GADD45GIP1: variants seen among roughly 807,000 people sequenced by gnomAD.
GADD45GIP1 encodes large ribosomal subunit protein mL64.
Under a neutral mutation model 22.1 loss-of-function variants are expected in GADD45GIP1, and 17 were observed. The ratio of observed to expected loss-of-function variants is 0.77; its 90% CI spans 0.53 to 1.15. GADD45GIP1 has a LOEUF of 1.15. Ranked by LOEUF, GADD45GIP1 falls within the 50% of genes most tolerant of loss-of-function variation. The pLI is 0.00. For synonymous variants in GADD45GIP1, 135 were observed against 138.4 expected (o/e 0.98, Z 0.17); for missense variants, 294 against 314.0 (o/e 0.94, Z 0.48).
rs1971937348 is a variant in GADD45GIP1, at chr19:12,957,220, G to C, written c.-8C>G. On this transcript the variant is annotated 5_prime_UTR_variant, in exon 1 of 2. Coordinates refer to ENST00000316939, the MANE Select transcript of GADD45GIP1 (RefSeq NM_052850.4). ...TCGCACGGACGCCGCCATCTTGGCT[G>C]TGCGGGGTCCTCACAGGCCCGCCGG... 7.2e-7 allele frequency: 1 copy of C among 1,386,016 alleles called. No homozygotes were observed. Among genetic ancestry groups the C allele is most frequent in the South Asian group, 1.6e-5 (1 of 60,914 alleles). 85.9% of individuals were successfully genotyped at this position (1,386,016 alleles called of 1,614,324 possible).
At position 12,953,874 on chromosome 19, in the gene GADD45GIP1, A is replaced by C; in HGVS notation, c.*334T>G. 8.5e-6 allele frequency: 2 copies of C among 234,048 alleles called. No homozygotes were observed. Among genetic ancestry groups the C allele is most frequent in the Non-Finnish European group, 1.7e-5 (2 of 118,940 alleles). 14.5% of individuals were successfully genotyped at this position (234,048 alleles called of 1,614,324 possible). A position where few individuals can be genotyped will look rare whatever the true frequency, so the allele number is the denominator to read the frequency against. Reference sequence around the variant, plus strand: ...CTCCCCGGCCCCCACCATCATCACCACAGTCTGTTTTGGCTATACTTCCCC... The same window carrying C: ...CTCCCCGGCCCCCACCATCATCACCCCAGTCTGTTTTGGCTATACTTCCCC... On this transcript the variant is annotated 3_prime_UTR_variant, in exon 2 of 2. Coordinates refer to ENST00000316939, the MANE Select transcript of GADD45GIP1 (RefSeq NM_052850.4).
At chr19:12,956,299 G>T (rs963737457) in intron 1 of GADD45GIP1, among the ~76,000 whole-genome samples, 2 of 152,206 alleles carry the variant, frequency 1.3e-5, no homozygotes, top group Non-Finnish European at 1.5e-5. Context: ...GGGATTACAG[G>T]CACGAGCCAC....
At position 12,954,106 on chromosome 19, in the gene GADD45GIP1, TGGG is replaced by T; in HGVS notation, c.*99_*101del. On this transcript the variant is annotated 3_prime_UTR_variant, in exon 2 of 2. Transcript: ENST00000316939. The stretch of plus-strand genomic sequence containing the variant: ...GGGGGATTCCCCAGCTCTTAAGTAT[TGGG>T]GGAGGAACCAGGGGACCCAGAGAGG... The T allele has an allele frequency of 2.0e-6, 2 of 998,830 alleles. No homozygotes were observed. The highest frequency in any genetic ancestry group is 3.0e-6 in the Non-Finnish European group (2 of 659,748). The allele number at this position is 998,830 out of a possible 1,614,324, so 61.9% of individuals were successfully genotyped here. A position where few individuals can be genotyped will look rare whatever the true frequency, so the allele number is the denominator to read the frequency against.
At chr19:12,956,615 C>T (rs1293266362) in intron 1 of GADD45GIP1, among the ~76,000 whole-genome samples, 6 of 152,146 alleles carry the variant, frequency 3.9e-5, no homozygotes, top group Non-Finnish European at 8.8e-5. Flanking sequence ...GATCTTGCGA[C>T]TGCACTCCAG....
rs149233851 is a variant in GADD45GIP1, at chr19:12,954,497, T to C, written c.380A>G (p.Lys127Arg). Residue 127 changes from lysine to arginine, a missense_variant, in exon 2 of 2, where the codon AAG becomes AGG. By Grantham distance (26) the Lys-to-Arg change is conservative. Transcript: ENST00000316939. ...CCAGTTCACAATCATCTGTGGCATC[T>C]TGGCCATGCACTCTGCGATGTGCTG... ...REQHIAECMA[K>R]MPQMIVNWQQ... 4,298 of 1,614,026 alleles carry C rather than the reference T, an allele frequency of 2.7e-3. 9 individuals carry two copies. The highest frequency in any genetic ancestry group is 3.2e-3 in the Non-Finnish European group (3,765 of 1,179,954).
In GADD45GIP1 at chr19:12,954,431, T is replaced by G; in HGVS notation, c.446A>C (p.Asp149Ala). ...QRENWEKAQA[D>A]KERRARLQAE... ...CTGCAGTCGGGCCCTCCTCTCCTTG[T>G]CAGCCTGGGCCTTCTCCCAGTTCTC... Residue 149 changes from aspartate (D) to alanine (A), a missense_variant, in exon 2 of 2, where the codon GAC becomes GCC. Asp to Ala is a moderately radical substitution (Grantham distance 126). Transcript: ENST00000316939. 6.2e-7 allele frequency: 1 copy of G among 1,614,200 alleles called. No individual in the cohort carries two copies. The highest frequency in any genetic ancestry group is 8.5e-7 in the Non-Finnish European group (1 of 1,180,020).
chr19:12,957,120 C>G lies in GADD45GIP1; in HGVS notation c.93G>C (p.Pro31=). The G allele has an allele frequency of 2.1e-6, 3 of 1,417,922 alleles. No homozygotes were observed. The highest frequency in any genetic ancestry group is 2.7e-6 in the Non-Finnish European group (3 of 1,099,152). 87.8% of individuals were successfully genotyped at this position (1,417,922 alleles called of 1,614,324 possible). A position where few individuals can be genotyped will look rare whatever the true frequency, so the allele number is the denominator to read the frequency against. ...GSRGYRARPP[P]RRRPGPRWPD... ...GCCACCGGGGTCCCGGCCTGCGGCG[C>G]GGGGGCGGCCGCGCCCGGTAGCCAC... is the stretch of plus-strand genomic sequence containing the variant. The change falls in exon 1 of 2, where the codon CCG becomes CCC. Residue 31 remains proline, a synonymous_variant. Transcript: ENST00000316939.
chr19:12,953,396 A>AG lies in GADD45GIP1; in HGVS notation c.*811dup, dbSNP rs1971868902. On this transcript the variant is annotated 3_prime_UTR_variant, in exon 2 of 2. Transcript: ENST00000316939. ...CTCTCCATCCTCCGAAAAACCCCTGAGGACCCCCCCCCATCCTCTTCTAGG... is the reference window on the plus strand; with the variant it reads ...CTCTCCATCCTCCGAAAAACCCCTGAGGGACCCCCCCCCATCCTCTTCTAGG... 1 of 170,158 alleles carries AG rather than the reference A, an allele frequency of 5.9e-6. No individual in the cohort carries two copies. The highest frequency in any genetic ancestry group is 2.4e-5 in the African/African-American group (1 of 41,906). The allele number at this position is 170,158 out of a possible 1,614,324, so 10.5% of individuals were successfully genotyped here. A position where few individuals can be genotyped will look rare whatever the true frequency, so the allele number is the denominator to read the frequency against.
rs1454510303 is a variant in GADD45GIP1, at chr19:12,957,190, G to A, written c.23C>T (p.Ala8Val). The change falls in exon 1 of 2, where the codon GCA (alanine) becomes GTA (valine). Residue 8 changes from alanine (A) to valine (V), a missense_variant. Transcript: ENST00000316939. The part of the protein sequence containing the change: MAASVRQ[A>V]RSLLGVAATL... Reference sequence around the variant, plus strand: ...CGCCGCCACACCTAGTAGGCTGCGTGCCTGTCGCACGGACGCCGCCATCTT... The same window carrying A: ...CGCCGCCACACCTAGTAGGCTGCGTACCTGTCGCACGGACGCCGCCATCTT... 5 of 1,404,476 alleles carry A rather than the reference G, an allele frequency of 3.6e-6. No individual in the cohort carries two copies. The highest frequency in any genetic ancestry group is 3.2e-5 in the South Asian group (2 of 62,716). The allele number at this position is 1,404,476 out of a possible 1,614,324, so 87.0% of individuals were successfully genotyped here. A position where few individuals can be genotyped will look rare whatever the true frequency, so the allele number is the denominator to read the frequency against.
chr19:12,957,187 C>A lies in GADD45GIP1; in HGVS notation c.26G>T (p.Arg9Leu), dbSNP rs375539782. 7.1e-7 allele frequency: 1 copy of A among 1,404,532 alleles called. No individual in the cohort carries two copies. Among genetic ancestry groups the A allele is most frequent in the African/African-American group, 1.5e-5 (1 of 66,336 alleles). The allele number at this position is 1,404,532 out of a possible 1,614,324, so 87.0% of individuals were successfully genotyped here. Reference protein sequence around the residue: MAASVRQARSLLGVAATLA... With the variant: MAASVRQALSLLGVAATLA... ...GGTCGCCGCCACACCTAGTAGGCTG[C>A]GTGCCTGTCGCACGGACGCCGCCAT... is the stretch of plus-strand genomic sequence containing the variant. The change falls in exon 1 of 2, where the codon CGC becomes CTC. Residue 9 changes from arginine to leucine, a missense_variant. By Grantham distance (102) the Arg-to-Leu change is moderately radical (BLOSUM62 -2). Transcript: ENST00000316939.
chr19:12,955,986 T>A (rs1263342821), intron 1 of GADD45GIP1, among the ~76,000 whole-genome samples: 1 of 152,176 alleles, frequency 6.6e-6, no homozygotes, highest in Admixed American at 6.6e-5. Context: ...CACACTGGCT[T>A]CCTGGCTGTT....
chr19:12,954,596 A>C, intron 1 of GADD45GIP1, 70 bp from the exon 2 acceptor site: 11 of 1,341,446 alleles, frequency 8.2e-6, no homozygotes, highest in East Asian at 4.7e-5. Flanking sequence ...CCCATATCTC[A>C]CCCATAGGCC....
At chr19:12,956,759 C>G in intron 1 of GADD45GIP1, 104 bp downstream of exon 1, 1 of 933,458 alleles carries the variant, frequency 1.1e-6, no homozygotes, top group South Asian at 1.4e-5. Context: ...AAATCTACAA[C>G]ATGCAGATGC....
In GADD45GIP1 at chr19:12,956,919, G is replaced by C; in HGVS notation, c.294C>G (p.Thr98=). 1 of 1,599,802 alleles carries C rather than the reference G, an allele frequency of 6.3e-7. No homozygotes were observed. The highest frequency in any genetic ancestry group is 8.5e-7 in the Non-Finnish European group (1 of 1,179,776). The change falls in exon 1 of 2, where the codon ACC becomes ACG. Residue 98 remains threonine, a synonymous_variant. Transcript: ENST00000316939. ...GCTTCACCCGCAGCGACTCCTGCAT[G>C]GTCGCCAGGCTCGGGTACCATTCGC... ...EEREWYPSLA[T]MQESLRVKQL...
chr19:12,957,125 G>T lies in GADD45GIP1; in HGVS notation c.88C>A (p.Pro30Thr). Residue 30 changes from proline to threonine, a missense_variant, in exon 1 of 2, where the codon CCC (proline) becomes ACC (threonine). Transcript: ENST00000316939. ...CGGGGTCCCGGCCTGCGGCGCGGGGGCGGCCGCGCCCGGTAGCCACGGGAA... is the reference window on the plus strand; with the variant it reads ...CGGGGTCCCGGCCTGCGGCGCGGGGTCGGCCGCGCCCGGTAGCCACGGGAA... ...PGSRGYRARP[P>T]PRRRPGPRWP... 7.1e-7 allele frequency: 1 copy of T among 1,417,480 alleles called. No individual in the cohort carries two copies. Among genetic ancestry groups the T allele is most frequent in the Non-Finnish European group, 9.1e-7 (1 of 1,098,870 alleles). 87.8% of individuals were successfully genotyped at this position (1,417,480 alleles called of 1,614,324 possible).
At chr19:12,954,634 C>A (rs939022590) in intron 1 of GADD45GIP1, 108 bp from the exon 2 acceptor site, 4 of 791,980 alleles carry the variant, frequency 5.1e-6, no homozygotes, top group Non-Finnish European at 7.9e-6. Context: ...CTCCTCAACT[C>A]CCCCAGTAGA....
rs1281287310 is a variant in GADD45GIP1, at chr19:12,953,837, C to T, written c.*371G>A. 5.1e-6 allele frequency: 1 copy of T among 197,026 alleles called. No individual in the cohort carries two copies. Among genetic ancestry groups the T allele is most frequent in the Non-Finnish European group, 1.0e-5 (1 of 96,334 alleles). The allele number at this position is 197,026 out of a possible 1,614,324, so 12.2% of individuals were successfully genotyped here. A position where few individuals can be genotyped will look rare whatever the true frequency, so the allele number is the denominator to read the frequency against. On this transcript the variant is annotated 3_prime_UTR_variant, in exon 2 of 2. Transcript: ENST00000316939. ...GGCAGTGGACCCCAGCCCAACGTTA[C>T]AAGGACTGCTTCTCCCCGGCCCCCA...
intron 1 of GADD45GIP1, among the ~76,000 whole-genome samples, chr19:12,955,287 A>G (rs1971909947): frequency 6.6e-6 from 1 of 152,060 alleles, no homozygotes; most frequent in Non-Finnish European, 1.5e-5. Flanking sequence ...GTTCTTTTTT[A>G]TGACAGCCTC....
chr19:12,953,132 A>T lies in GADD45GIP1; in HGVS notation c.*1076T>A, dbSNP rs2083610886. The T allele has an allele frequency of 1.2e-6, 1 of 862,488 alleles. No homozygotes were observed. The highest frequency in any genetic ancestry group is 3.3e-5 in the Admixed American group (1 of 30,658). 53.4% of individuals were successfully genotyped at this position (862,488 alleles called of 1,614,324 possible). A position where few individuals can be genotyped will look rare whatever the true frequency, so the allele number is the denominator to read the frequency against. ...TAAAAGAAAAAATATATATATATTC[A>T]TGTTTATTTAAGAAATGGAAAAAAA... On this transcript the variant is annotated 3_prime_UTR_variant, in exon 2 of 2. Transcript: ENST00000316939.
Sources: gnomAD v4.1 joint callset for allele counts (sites outside exome capture counted in the v4.1 genomes callset) on GRCh38, gnomAD v4.1.1 for gene constraint, MANE v1.5 for transcripts, NCBI Gene and HGNC (gene_info 2026-07-23, HGNC 2026-07-21) for gene names.